Variants in MAGOH observed in about 807,000 individuals in gnomAD.
The protein encoded by MAGOH is mago homolog, exon junction complex subunit, also known as protein mago nashi homolog.
In MAGOH, 3 loss-of-function variants were observed where a neutral mutation model predicts 20.9. The observed-to-expected ratio is 0.14, with a 90% CI of 0.07 to 0.37. MAGOH has a LOEUF of 0.37. Among genes scored for constraint, MAGOH ranks in the 10% least tolerant of loss-of-function variants. MAGOH has a pLI of 1.00. For synonymous variants in MAGOH, 51 were observed against 61.0 expected (o/e 0.84, Z 0.76); for missense variants, 66 against 178.1 (o/e 0.37, Z 3.58).
chr1:53,229,496 C>T (rs1023172504), intron 3 of MAGOH, among the ~76,000 whole-genome samples: 2 of 152,160 alleles, frequency 1.3e-5, no homozygotes, highest in African/African-American at 4.8e-5. Context: ...TCAGGTGATC[C>T]GCCTGCCTCA....
At chr1:53,234,926 G>A (rs1350354530) in intron 2 of MAGOH, among the ~76,000 whole-genome samples, 1 of 152,178 alleles carries the variant, frequency 6.6e-6, no homozygotes, top group Non-Finnish European at 1.5e-5. Context: ...TACTGGGGCA[G>A]GATTGGGAAT....
chr1:53,233,036 G>A (rs1645593790), intron 3 of MAGOH: 1 of 152,602 alleles, frequency 6.6e-6, no homozygotes, highest in Non-Finnish European at 1.5e-5. Flanking sequence ...AGGAGGCAGA[G>A]GTTACAGTGA....
chr1:53,234,415 C>T (rs1195773612), intron 2 of MAGOH, among the ~76,000 whole-genome samples: 3 of 150,520 alleles, frequency 2.0e-5, no homozygotes, highest in Admixed American at 2.0e-4. Flanking sequence ...GCTCTGTCGC[C>T]CAGGCTGGAG....
At chr1:53,235,499 A>C in intron 2 of MAGOH, 78 bp downstream of exon 2, 1 of 1,229,714 alleles carries the variant, frequency 8.1e-7, no homozygotes, top group South Asian at 1.2e-5. Context: ...CAATACTACT[A>C]GAAACAATAA....
chr1:53,236,998 T>TG (rs2100310098), intron 1 of MAGOH, among the ~76,000 whole-genome samples: 2 of 149,228 alleles, frequency 1.3e-5, no homozygotes, highest in South Asian at 4.3e-4. Context: ...TCACCCAGGC[T>TG]GGGGTACAGT....
rs376290984 is a variant in MAGOH at position 53,233,858 on chromosome 1, T to C, written c.148-206A>G. Reference sequence around the variant, plus strand: ...AGTAACTGCACCTCAGTCCCCTATCTAGCTGTTACTACCTCCTGGTACATC... The same window carrying C: ...AGTAACTGCACCTCAGTCCCCTATCCAGCTGTTACTACCTCCTGGTACATC... On this transcript the variant is annotated intron_variant, in intron 2 of 4. Transcript: ENST00000371470. 56 of 475,150 alleles carry C rather than the reference T, an allele frequency of 1.2e-4. No individual in the cohort carries two copies. In the East Asian group the frequency reaches 1.3e-3, roughly 11 times the overall value. The allele number at this position is 475,150 out of a possible 1,614,324, so 29.4% of individuals were successfully genotyped here.
chr1:53,227,531 T>TTTTTG lies in MAGOH; in HGVS notation c.342-392_342-388dup, dbSNP rs965464685. 1.8e-4 allele frequency among the ~76,000 whole-genome samples: 28 copies of TTTTTG among 152,260 alleles called. No individual in the cohort carries two copies. In the East Asian group the frequency reaches 2.3e-3, roughly 13 times the overall value. The stretch of plus-strand genomic sequence containing the variant: ...TATTACTTTCAGAGTTAGAAAACTT[T>TTTTTG]TTTTGTTTTGTTTTGTTTTGTTTTT... On this transcript the variant is annotated intron_variant, in intron 4 of 4. Coordinates refer to ENST00000371470, the MANE Select transcript of MAGOH (RefSeq NM_002370.4).
rs1030775979 is a variant in MAGOH at position 53,228,385 on chromosome 1, T to C, written c.341+487A>G. On this transcript the variant is annotated intron_variant, in intron 4 of 4. Coordinates refer to ENST00000371470, the MANE Select transcript of MAGOH (RefSeq NM_002370.4). The stretch of plus-strand genomic sequence containing the variant: ...AGGCAGAGGTTGCAGTGAGCTGAGA[T>C]TGCGCCACTGCACTCCAGTCCGGGT... 2.0e-5 allele frequency among the ~76,000 whole-genome samples: 3 copies of C among 152,100 alleles called. No individual in the cohort carries two copies. The East Asian group carries it at 5.8e-4, about 29-fold the overall frequency.
At chr1:53,238,282 G>C (rs879928295) in intron 1 of MAGOH, 79 bp downstream of exon 1, 262 of 1,334,618 alleles carry the variant, frequency 2.0e-4, no homozygotes, top group Non-Finnish European at 2.6e-4. Context: ...GTTCCCCACA[G>C]ATTTCCGACC....
intron 2 of MAGOH, 86 bp downstream of exon 2, chr1:53,235,491 A>G (rs138472769): frequency 2.7e-6 from 3 of 1,129,658 alleles, no homozygotes; most frequent in South Asian, 2.6e-5. Context: ...TTATCTTTCA[A>G]TACTACTAGA....
At chr1:53,233,713 T>C (rs773954640) in intron 2 of MAGOH, 61 bp from the exon 3 acceptor site, 7 of 1,038,452 alleles carry the variant, frequency 6.7e-6, no homozygotes, top group South Asian at 1.3e-5. Context: ...TTGACTCAGA[T>C]AGTGATGGAA....
chr1:53,227,666 G>A (rs188026076), intron 4 of MAGOH, among the ~76,000 whole-genome samples: 38 of 152,022 alleles, frequency 2.5e-4, no homozygotes, highest in Admixed American at 1.3e-3. Context: ...TCAGCCTCCC[G>A]AGTAGCTAGG....
At chr1:53,227,555 T>TG (rs1435889573) in intron 4 of MAGOH, among the ~76,000 whole-genome samples, 1 of 152,214 alleles carries the variant, frequency 6.6e-6, no homozygotes, top group African/African-American at 2.4e-5. Flanking sequence ...TGTTTTGTTT[T>TG]TTGAGACAGA....
At position 53,233,566 on chromosome 1, in the gene MAGOH, A is replaced by G; in HGVS notation, c.234T>C (p.Pro78=). 6.2e-7 allele frequency: 1 copy of G among 1,613,542 alleles called. No homozygotes were observed. Among genetic ancestry groups the G allele is most frequent in the Non-Finnish European group, 8.5e-7 (1 of 1,179,460 alleles). Reference sequence around the variant, plus strand: ...CCTGCCGGCCCACTCGGTCAGGAGGAGGCCACAATGCATCATCCTCTTTGG... The same window carrying G: ...CCTGCCGGCCCACTCGGTCAGGAGGGGGCCACAATGCATCATCCTCTTTGG... ...EITKEDDALW[P]PPDRVGRQEL... is the part of the protein sequence containing the mutation. Residue 78 remains proline, a synonymous_variant, in exon 3 of 5, where the codon CCT becomes CCC. Transcript: ENST00000371470.
Position 53,238,492 on chromosome 1 carries a change from G to A in MAGOH, c.-44C>T, listed in dbSNP as rs566550176. ...GAGCCTGAACTTCCAAGAGCAAGCC[G>A]CACTGCCGCCGTCTGCGCCCGACAC... On this transcript the variant is annotated 5_prime_UTR_variant, in exon 1 of 5. Coordinates refer to ENST00000371470, the MANE Select transcript of MAGOH (RefSeq NM_002370.4). 20 of 1,553,558 alleles carry A rather than the reference G, an allele frequency of 1.3e-5. No individual in the cohort carries two copies. The highest frequency in any genetic ancestry group is 2.2e-5 in the East Asian group (1 of 44,598).
Position 53,227,111 on chromosome 1 carries a change from A to G in MAGOH, c.375T>C (p.Leu125=). 2 of 1,597,592 alleles carry G rather than the reference A, an allele frequency of 1.3e-6. No homozygotes were observed. The highest frequency in any genetic ancestry group is 1.7e-6 in the Non-Finnish European group (2 of 1,174,704). ...DPEGLRVFYY[L]VQDLKCLVFS... The stretch of plus-strand genomic sequence containing the variant: ...AGACCAAACACTTCAGGTCCTGGAC[A>G]AGATAATAAAATACTCGTAAGCCTT... Residue 125 remains leucine (L), a synonymous_variant, in exon 5 of 5, where the codon CTT becomes CTC. Coordinates refer to ENST00000371470, the MANE Select transcript of MAGOH (RefSeq NM_002370.4).
At chr1:53,234,595 C>T (rs1471278986) in intron 2 of MAGOH, among the ~76,000 whole-genome samples, 2 of 151,988 alleles carry the variant, frequency 1.3e-5, no homozygotes, top group Non-Finnish European at 2.9e-5. Context: ...AGGATGGTCT[C>T]GATCTCCTGA....
At position 53,235,565 on chromosome 1, in the gene MAGOH, G is replaced by A. The variant is rs1194064023; in HGVS notation, c.147+12C>T. On this transcript the variant is annotated intron_variant, in intron 2 of 4. Coordinates refer to ENST00000371470, the MANE Select transcript of MAGOH (RefSeq NM_002370.4). ...GCAAATGAAGGACTCTCAGAAGGCA[G>A]AAGGCTCATACCTCTTTTCTGATCA... 2 of 1,611,836 alleles carry A rather than the reference G, an allele frequency of 1.2e-6. No individual in the cohort carries two copies. Among genetic ancestry groups the A allele is most frequent in the African/African-American group, 1.3e-5 (1 of 74,870 alleles).
intron 4 of MAGOH, among the ~76,000 whole-genome samples, chr1:53,228,468 A>T (rs775858268): frequency 9.2e-5 from 14 of 152,124 alleles, no homozygotes; most frequent in Non-Finnish European, 2.1e-4. Context: ...ATAAAATAAA[A>T]CTTAGATCCT....
Sources: allele counts gnomAD v4.1 joint callset (sites outside exome capture counted in the v4.1 genomes callset), GRCh38; gene constraint gnomAD v4.1.1; transcripts MANE v1.5; gene names NCBI Gene and HGNC (gene_info 2026-07-23, HGNC 2026-07-21).